The following NALCN variants were observed in gnomAD, a reference collection of about 807,000 sequenced individuals.
NALCN encodes sodium leak channel NALCN.
Under a neutral mutation model 225.3 loss-of-function variants are expected in NALCN, and 111 were observed. The ratio of observed to expected loss-of-function variants is 0.49; its 90% CI spans 0.42 to 0.58. NALCN has a LOEUF of 0.58. Among genes scored for constraint, NALCN ranks in the 20% least tolerant of loss-of-function variants. The pLI is 0.00. For missense variants in NALCN, 1,378 were observed against 2,202.4 expected (o/e 0.63, Z 7.49); for synonymous variants, 764 against 769.0 (o/e 0.99, Z 0.11).
At chr13:101,324,040 A>C (rs2044852642) in intron 7 of NALCN, among the ~76,000 whole-genome samples, 1 of 152,218 alleles carries the variant, frequency 6.6e-6, no homozygotes, top group Non-Finnish European at 1.5e-5. Context: ...GCAATTTCAC[A>C]TGACATTAAC....
At chr13:101,301,720 C>CA (rs34125715) in intron 7 of NALCN, among the ~76,000 whole-genome samples, 33,093 of 133,312 alleles carry the variant, frequency 0.25, 4,682 homozygotes, top group South Asian at 0.33. Context: ...GACTCTGTCT[C>CA]AAAAAAAAAA....
chr13:101,245,594 C>T (rs910494114), intron 11 of NALCN, among the ~76,000 whole-genome samples: 1 of 152,130 alleles, frequency 6.6e-6, no homozygotes. Flanking sequence ...ATTTTCACCC[C>T]TTTGGAGGTG....
chr13:101,124,245 A>G (rs2036121334), intron 18 of NALCN, among the ~76,000 whole-genome samples: 1 of 152,192 alleles, frequency 6.6e-6, no homozygotes, highest in South Asian at 2.1e-4. Flanking sequence ...AATGAACTAT[A>G]ATGAAAAAGT....
intron 1 of NALCN, among the ~76,000 whole-genome samples, chr13:101,412,295 A>G (rs2047811850): frequency 6.6e-6 from 1 of 152,140 alleles, no homozygotes. Context: ...GCTGTCTTCC[A>G]TCTATATCAT....
intron 35 of NALCN, among the ~76,000 whole-genome samples, chr13:101,074,926 T>G (rs2139473817): frequency 6.6e-6 from 1 of 152,294 alleles, no homozygotes; most frequent in East Asian, 1.9e-4. Flanking sequence ...TTTCAGCCTC[T>G]TCACACAAAT....
At chr13:101,142,926 T>C (rs1257194726) in intron 17 of NALCN, 154 bp downstream of exon 17, 1 of 1,106,074 alleles carries the variant, frequency 9.0e-7, no homozygotes, top group South Asian at 1.4e-5. Flanking sequence ...GAGTAAAAAA[T>C]GTTAGGTTTC....
intron 22 of NALCN, among the ~76,000 whole-genome samples, chr13:101,106,561 TG>T (rs750712640): frequency 1.3e-5 from 2 of 152,184 alleles, no homozygotes; most frequent in Non-Finnish European, 2.9e-5. Flanking sequence ...TCATCTTGAA[TG>T]GTAGCTCCCA....
chr13:101,159,953 T>TCTTTATTTTA (rs1555301969), intron 15 of NALCN, among the ~76,000 whole-genome samples: 1 of 151,266 alleles, frequency 6.6e-6, no homozygotes, highest in Non-Finnish European at 1.5e-5. Flanking sequence ...TTTTTTGTTA[T>TCTTTATTTTA]TTTTATTTTA....
At chr13:101,319,720 G>A (rs544825) in intron 7 of NALCN, among the ~76,000 whole-genome samples, 62,052 of 151,936 alleles carry the variant, frequency 0.41, 13,015 homozygotes, top group Middle Eastern at 0.47. Flanking sequence ...TTGCATAGAA[G>A]AAGGATTTTC....
At chr13:101,059,717 A>T in intron 42 of NALCN, 101 bp downstream of exon 42, 3 of 984,360 alleles carry the variant, frequency 3.0e-6, no homozygotes, top group Non-Finnish European at 2.8e-6. Context: ...AAATATTGTC[A>T]CCTTGTTTGA....
intron 15 of NALCN, among the ~76,000 whole-genome samples, chr13:101,171,243 C>T (rs984477229): frequency 4.3e-5 from 6 of 140,614 alleles, no homozygotes; most frequent in African/African-American, 1.5e-4. Flanking sequence ...ACATATATTA[C>T]ACACATTATG....
At chr13:101,175,343 C>T (rs2038916940) in intron 15 of NALCN, among the ~76,000 whole-genome samples, 1 of 150,832 alleles carries the variant, frequency 6.6e-6, no homozygotes, top group South Asian at 2.1e-4. Context: ...CTAACCTGAT[C>T]ATGAGATAGA....
intron 7 of NALCN, among the ~76,000 whole-genome samples, chr13:101,294,204 T>G (rs1488395531): frequency 6.6e-6 from 1 of 152,118 alleles, no homozygotes; most frequent in Non-Finnish European, 1.5e-5. Context: ...TAAAAAGAAA[T>G]TATTAATGGG....
In NALCN at chr13:101,103,345, G is replaced by A. The variant is rs1476511471; in HGVS notation, c.2890-6C>T. ...CAAAGAAATATCAAGCTCACCTAAAGGGGAACAAATGATCTCTGGAATTTA... is the reference window on the plus strand; with the variant it reads ...CAAAGAAATATCAAGCTCACCTAAAAGGGAACAAATGATCTCTGGAATTTA... On this transcript the variant is annotated splice_region_variant and splice_polypyrimidine_tract_variant and intron_variant, in intron 25 of 43. Coordinates refer to ENST00000251127, the MANE Select transcript of NALCN (RefSeq NM_052867.4). The A allele has an allele frequency of 1.2e-6, 2 of 1,601,946 alleles. No homozygotes were observed. Among genetic ancestry groups the A allele is most frequent in the East Asian group, 4.5e-5 (2 of 44,744 alleles).
intron 3 of NALCN, among the ~76,000 whole-genome samples, chr13:101,379,903 C>T (rs893057597): frequency 6.6e-6 from 1 of 151,960 alleles, no homozygotes; most frequent in African/African-American, 2.4e-5. Flanking sequence ...CAGGAACACC[C>T]AAATTTATAA....
intron 1 of NALCN, among the ~76,000 whole-genome samples, 182 bp from the exon 2 acceptor site, chr13:101,399,347 A>G (rs2047402295): frequency 6.6e-6 from 1 of 152,162 alleles, no homozygotes; most frequent in African/African-American, 2.4e-5. Flanking sequence ...CAGAAGCTTG[A>G]TTTTTTTCTC....
At chr13:101,077,366 A>G (rs2033327712) in intron 34 of NALCN, among the ~76,000 whole-genome samples, 1 of 152,206 alleles carries the variant, frequency 6.6e-6, no homozygotes, top group Non-Finnish European at 1.5e-5. Context: ...AACAATTTGG[A>G]GGACTCAGAA....
At chr13:101,113,437 T>C (rs1379402323) in intron 18 of NALCN, among the ~76,000 whole-genome samples, 6 of 152,168 alleles carry the variant, frequency 3.9e-5, no homozygotes, top group Non-Finnish European at 8.8e-5. Context: ...CATTTGTTGG[T>C]CATGTAAGAA....
At chr13:101,391,810 G>A (rs1446733838) in intron 3 of NALCN, among the ~76,000 whole-genome samples, 6 of 143,706 alleles carry the variant, frequency 4.2e-5, no homozygotes, top group African/African-American at 1.4e-4. Flanking sequence ...CAGTGAAACC[G>A]CATCTCTACT....
Sources: gnomAD v4.1 joint callset for allele counts (sites outside exome capture counted in the v4.1 genomes callset) on GRCh38, gnomAD v4.1.1 for gene constraint, MANE v1.5 for transcripts, NCBI Gene and HGNC (gene_info 2026-07-23, HGNC 2026-07-21) for gene names.